Variants in PHYKPL observed in about 807,000 individuals in gnomAD.
PHYKPL encodes the protein 5-phosphonooxy-L-lysine phospho-lyase.
In PHYKPL, 42 loss-of-function variants were observed where a neutral mutation model predicts 51.3. That is an observed-to-expected ratio of 0.82 (90% CI 0.64 to 1.06). The LOEUF (loss-of-function observed/expected upper bound fraction) is 1.06, where lower values mean the gene tolerates loss of function less well. PHYKPL is among the 50% of genes least tolerant of loss of function. PHYKPL has a pLI of 0.00. For missense variants in PHYKPL, 655 were observed against 586.6 expected, an observed-to-expected ratio of 1.12 and a Z score of -1.20; for synonymous variants, 264 against 236.0, an observed-to-expected ratio of 1.12 and a Z score of -1.09.
chr5:178,225,311 T>C (rs1374713009), intron 4 of PHYKPL, 44 bp downstream of exon 4: 1 of 1,601,394 alleles, frequency 6.2e-7, no homozygotes, highest in Admixed American at 1.7e-5. Flanking sequence ...AAGAAGCCTG[T>C]GGGCCAGGCT....
At chr5:178,211,632 T>A (rs921537870) in intron 12 of PHYKPL, 3 of 442,170 alleles carry the variant, frequency 6.8e-6, no homozygotes, top group African/African-American at 6.0e-5. Context: ...ACTAGGTGGT[T>A]ACAAGAGGCA....
intron 2 of PHYKPL, chr5:178,230,375 T>A (rs975208890): frequency 1.3e-5 from 5 of 376,422 alleles, no homozygotes; most frequent in East Asian, 1.0e-4. Context: ...TTTTTTTTTT[T>A]AACAGGGCCT....
chr5:178,223,027 C>T lies in PHYKPL; in HGVS notation c.619-93G>A, dbSNP rs1221087494. On this transcript the variant is annotated intron_variant, in intron 6 of 12. Transcript: ENST00000308158. Reference sequence around the variant, plus strand: ...TAGTGCTGGCTTAGTCCAAGCAAGACAAGTCACCATCAGTGCTGCACCCCT... The same window carrying T: ...TAGTGCTGGCTTAGTCCAAGCAAGATAAGTCACCATCAGTGCTGCACCCCT... The T allele has an allele frequency of 4.1e-6, 5 of 1,232,532 alleles. No homozygotes were observed. The East Asian group carries it at 7.4e-5, about 18-fold the overall frequency. The allele number at this position is 1,232,532 out of a possible 1,614,324, so 76.3% of individuals were successfully genotyped here.
intron 8 of PHYKPL, among the ~76,000 whole-genome samples, chr5:178,217,682 C>A (rs910042137): frequency 2.0e-5 from 3 of 149,092 alleles, no homozygotes; most frequent in African/African-American, 7.4e-5. Flanking sequence ...CATGGTGAAA[C>A]CCCGTCTGTA....
intron 9 of PHYKPL, 75 bp downstream of exon 9, chr5:178,215,198 GGTT>G: frequency 1.3e-6 from 2 of 1,596,946 alleles, no homozygotes; most frequent in South Asian, 2.2e-5. Flanking sequence ...CACCATCCCA[GGTT>G]GTTAGGAGGT....
At position 178,213,183 on chromosome 5, in the gene PHYKPL, CCA is replaced by C. The variant is rs572162930; in HGVS notation, c.1173-82_1173-81del. 2.7e-4 allele frequency: 420 copies of C among 1,562,948 alleles called. No homozygotes were observed. The African/African-American group carries it at 4.5e-3, about 17-fold the overall frequency. The stretch of plus-strand genomic sequence containing the variant: ...CTTGGCCTCATGTCCAGTGCTCCAG[CCA>C]CACTGTCCTCAGAGCCTTCCATGGG... On this transcript the variant is annotated intron_variant, in intron 10 of 12. Transcript: ENST00000308158.
chr5:178,209,574 C>G (rs112520839), intron 12 of PHYKPL: 9 of 761,132 alleles, frequency 1.2e-5, no homozygotes, highest in African/African-American at 1.0e-4. Flanking sequence ...TGGGGACGAA[C>G]AGGAATAGGA....
At chr5:178,209,427 G>T in intron 12 of PHYKPL, 1 of 1,614,106 alleles carries the variant, frequency 6.2e-7, no homozygotes, top group Non-Finnish European at 8.5e-7. Flanking sequence ...CGAGGCAGCG[G>T]AGGTGGTGGT....
chr5:178,210,074 C>T, intron 12 of PHYKPL: 2 of 1,599,850 alleles, frequency 1.3e-6, no homozygotes, highest in Non-Finnish European at 1.7e-6. Context: ...TTTCCTCCAT[C>T]CTAGCTCCTG....
At chr5:178,228,552 G>A (rs1198444912) in intron 3 of PHYKPL, 4 of 702,570 alleles carry the variant, frequency 5.7e-6, no homozygotes, top group Non-Finnish European at 1.0e-5. Flanking sequence ...GCAAATGTCT[G>A]GGCTCAAGTT....
In PHYKPL at chr5:178,222,882, G is replaced by A. The variant is rs1292657821; in HGVS notation, c.671C>T (p.Pro224Leu). Residue 224 changes from proline to leucine, a missense_variant, in exon 7 of 13, where the codon CCC (proline) becomes CTC (leucine). Physicochemically the swap from Pro to Leu is moderately conservative, Grantham distance 98. Transcript: ENST00000308158. Reference sequence around the variant, plus strand: ...CACTTGGGAGAAGTAGCCAGCAGGGGGAATGATCTGCCCTCCCACACTGGG... The same window carrying A: ...CACTTGGGAGAAGTAGCCAGCAGGGAGAATGATCTGCCCTCCCACACTGGG... ...SLPSVGGQII[P>L]PAGYFSQVAE... The A allele has an allele frequency of 1.9e-6, 3 of 1,614,150 alleles. No homozygotes were observed. The highest frequency in any genetic ancestry group is 2.5e-6 in the Non-Finnish European group (3 of 1,180,016).
Position 178,225,446 on chromosome 5 carries a change from G to T in PHYKPL, c.339-17C>A. 6.2e-7 allele frequency: 1 copy of T among 1,614,014 alleles called. No individual in the cohort carries two copies. The highest frequency in any genetic ancestry group is 8.5e-7 in the Non-Finnish European group (1 of 1,179,914). ...GCTTCTGACCTATGACCGAAAAGGT[G>T]GGCATGACTGAGAGAGTAGTCTAAG... is the stretch of plus-strand genomic sequence containing the variant. On this transcript the variant is annotated splice_polypyrimidine_tract_variant and intron_variant, in intron 3 of 12. Coordinates refer to ENST00000308158, the MANE Select transcript of PHYKPL (RefSeq NM_153373.4).
chr5:178,210,426 TTAA>T (rs1272222486), intron 12 of PHYKPL: 25 of 1,524,152 alleles, frequency 1.6e-5, no homozygotes, highest in South Asian at 4.6e-5. Flanking sequence ...CTTCGGGGTC[TTAA>T]TAACATGAGG....
chr5:178,218,238 A>G (rs868178714), intron 8 of PHYKPL, among the ~76,000 whole-genome samples: 7 of 132,636 alleles, frequency 5.3e-5, no homozygotes, highest in Admixed American at 7.6e-5. Flanking sequence ...AAAAAAAAAA[A>G]GAAAGAAAAG....
chr5:178,215,795 T>C (rs569887076), intron 8 of PHYKPL: 15 of 197,814 alleles, frequency 7.6e-5, no homozygotes, highest in African/African-American at 2.6e-4. Context: ...GATTAGGCAC[T>C]TCCTCCTCCA....
rs965729470 is a variant in PHYKPL at position 178,232,476 on chromosome 5, C to G, written c.59+16G>C. 3 of 1,357,512 alleles carry G rather than the reference C, an allele frequency of 2.2e-6. No individual in the cohort carries two copies. The highest frequency in any genetic ancestry group is 2.8e-6 in the Non-Finnish European group (3 of 1,062,842). The allele number at this position is 1,357,512 out of a possible 1,614,324, so 84.1% of individuals were successfully genotyped here. ...GCAGCCCCGCGCCCCCCGCCGCCCG[C>G]CCCCCGCCCGGGTACCTGATGAGCC... is the stretch of plus-strand genomic sequence containing the variant. On this transcript the variant is annotated intron_variant, in intron 1 of 12. Transcript: ENST00000308158.
Position 178,230,110 on chromosome 5 carries a change from G to A in PHYKPL, c.179-11C>T. The stretch of plus-strand genomic sequence containing the variant: ...GGTGGCAGTGCCCAACTGGAAGAGG[G>A]CCGCCTCCGTCACACGGCTGGCTCC... On this transcript the variant is annotated splice_polypyrimidine_tract_variant and intron_variant, in intron 2 of 12. Transcript: ENST00000308158. 6.2e-7 allele frequency: 1 copy of A among 1,613,016 alleles called. No homozygotes were observed. The highest frequency in any genetic ancestry group is 8.5e-7 in the Non-Finnish European group (1 of 1,179,766).
At chr5:178,214,968 G>T in intron 9 of PHYKPL, 83 bp from the exon 10 acceptor site, 1 of 1,287,192 alleles carries the variant, frequency 7.8e-7, no homozygotes, top group Non-Finnish European at 1.1e-6. Flanking sequence ...TCCTACCTGT[G>T]CCTCCTGAGG....
In PHYKPL at chr5:178,214,784, A is replaced by G. The variant is rs768412239; in HGVS notation, c.1172+12T>C. 42 of 1,613,618 alleles carry G rather than the reference A, an allele frequency of 2.6e-5. No individual in the cohort carries two copies. The Admixed American group carries it at 4.5e-4, about 17-fold the overall frequency. ...CTACTCCAGGAAGCAACTTGTTTCA[A>G]GAAGAAAATACCTTGATACCAAGTA... On this transcript the variant is annotated intron_variant, in intron 10 of 12. Transcript: ENST00000308158.
Sources: allele counts gnomAD v4.1 joint callset (sites outside exome capture counted in the v4.1 genomes callset), GRCh38; gene constraint gnomAD v4.1.1; transcripts MANE v1.5; gene names NCBI Gene and HGNC (gene_info 2026-07-23, HGNC 2026-07-21).